The following DNER variants were observed in gnomAD, a reference collection of about 807,000 sequenced individuals.
DNER encodes the protein delta and Notch-like epidermal growth factor-related receptor.
A neutral mutation model predicts 78.2 loss-of-function variants in DNER; 33 were observed. The ratio of observed to expected loss-of-function variants is 0.42; its 90% CI spans 0.32 to 0.56. DNER has a LOEUF of 0.56. Ranked by LOEUF, DNER falls within the 20% of genes least tolerant of loss-of-function variation. The pLI is 0.11. For synonymous variants in DNER, 417 were observed against 384.8 expected (o/e 1.08, Z -0.98); for missense variants, 918 against 975.3 (o/e 0.94, Z 0.78).
chr2:229,435,207 A>C (rs1203529435), intron 8 of DNER, among the ~76,000 whole-genome samples: 1 of 152,136 alleles, frequency 6.6e-6, no homozygotes, highest in Non-Finnish European at 1.5e-5. Context: ...CGTGGGAAGA[A>C]GCCCCGACTG....
chr2:229,505,835 A>G lies in DNER; in HGVS notation c.1147+6948T>C, dbSNP rs372412875. 9.2e-5 allele frequency among the ~76,000 whole-genome samples: 14 copies of G among 152,336 alleles called. 1 individual carries two copies. Among genetic ancestry groups the G allele is most frequent in the African/African-American group, 3.4e-4 (14 of 41,568 alleles). On this transcript the variant is annotated intron_variant, in intron 6 of 12. Transcript: ENST00000341772. ...CTGTGACCAATGCACAAAGGCACCT[A>G]TATCTAATTTCATATTATTTCATGA...
rs145330487 is a variant in DNER, at chr2:229,631,046, G to A, written c.277-39158C>T. Among the ~76,000 whole-genome samples, 13 of 152,266 alleles carry A rather than the reference G, an allele frequency of 8.5e-5. 1 individual carries two copies. In the East Asian group the frequency reaches 2.5e-3, roughly 29 times the overall value. ...TCTTTATCCAATCCACCACTGATGG[G>A]CACCTGGGTTGATTGCATGTCTTTG... On this transcript the variant is annotated intron_variant, in intron 1 of 12. Transcript: ENST00000341772.
At chr2:229,516,662 G>A (rs892048062) in intron 5 of DNER, among the ~76,000 whole-genome samples, 2 of 151,898 alleles carry the variant, frequency 1.3e-5, no homozygotes, top group Admixed American at 6.6e-5. Flanking sequence ...GTGGGAAGAC[G>A]TAGTGCCAGC....
intron 1 of DNER, among the ~76,000 whole-genome samples, chr2:229,691,522 T>A (rs1699571699): frequency 6.6e-6 from 1 of 151,790 alleles, no homozygotes; most frequent in African/African-American, 2.4e-5. Flanking sequence ...GGTTGGAAAC[T>A]CAAAGGATAA....
chr2:229,537,487 C>T (rs10170426), intron 5 of DNER, among the ~76,000 whole-genome samples: 29,282 of 152,124 alleles, frequency 0.19, 4,189 homozygotes, highest in African/African-American at 0.4. Flanking sequence ...CTTGGATAAA[C>T]GGCTTAAATA....
rs534266232 is a variant in DNER at position 229,488,307 on chromosome 2, T to G, written c.1148-11054A>C. Among the ~76,000 whole-genome samples, 5 of 152,348 alleles carry G rather than the reference T, an allele frequency of 3.3e-5. No homozygotes were observed. In the East Asian group the frequency reaches 9.7e-4, roughly 29 times the overall value. ...CTGTGCCAGTGTGTGTGGATGTGGA[T>G]GTGGGGATAGATGTTTGTGTATGCA... is the stretch of plus-strand genomic sequence containing the variant. On this transcript the variant is annotated intron_variant, in intron 6 of 12. Coordinates refer to ENST00000341772, the MANE Select transcript of DNER (RefSeq NM_139072.4).
chr2:229,565,513 T>C (rs1697088173), intron 4 of DNER, among the ~76,000 whole-genome samples: 1 of 152,126 alleles, frequency 6.6e-6, no homozygotes, highest in African/African-American at 2.4e-5. Context: ...ATTCATAGGA[T>C]TTGAAAGACT....
intron 6 of DNER, among the ~76,000 whole-genome samples, chr2:229,486,477 G>A (rs963764657): frequency 2.0e-5 from 3 of 152,142 alleles, no homozygotes; most frequent in Non-Finnish European, 4.4e-5. Flanking sequence ...AGGCACAGTG[G>A]GAAGGACAGT....
At chr2:229,368,728 A>T (rs1000664219) in intron 11 of DNER, among the ~76,000 whole-genome samples, 1 of 152,196 alleles carries the variant, frequency 6.6e-6, no homozygotes, top group African/African-American at 2.4e-5. Context: ...AAGATACATT[A>T]TTCTCTCTCC....
chr2:229,404,323 C>G (rs532984618), intron 10 of DNER, among the ~76,000 whole-genome samples: 1 of 152,266 alleles, frequency 6.6e-6, no homozygotes, highest in Non-Finnish European at 1.5e-5. Context: ...GGAAAACTTA[C>G]AATCATGGCA....
At chr2:229,449,206 T>G (rs1694401216) in intron 7 of DNER, among the ~76,000 whole-genome samples, 1 of 152,228 alleles carries the variant, frequency 6.6e-6, no homozygotes, top group Non-Finnish European at 1.5e-5. Flanking sequence ...TGGAATATAA[T>G]TCTACCCATC....
intron 12 of DNER, among the ~76,000 whole-genome samples, chr2:229,365,408 A>G (rs1437681275): frequency 1.3e-5 from 2 of 152,178 alleles, no homozygotes; most frequent in East Asian, 3.9e-4. Flanking sequence ...AAGGATGTGG[A>G]TATGTGCTGT....
chr2:229,532,547 A>G (rs975510373), intron 5 of DNER, among the ~76,000 whole-genome samples: 1 of 152,112 alleles, frequency 6.6e-6, no homozygotes, highest in Non-Finnish European at 1.5e-5. Context: ...CCTCCCCACC[A>G]TCATCACTGT....
chr2:229,428,568 C>A (rs1693933308), intron 8 of DNER, among the ~76,000 whole-genome samples: 1 of 150,996 alleles, frequency 6.6e-6, no homozygotes, highest in Non-Finnish European at 1.5e-5. Flanking sequence ...AAGGAAGGGG[C>A]TGGGGAGGGG....
At chr2:229,605,249 G>A (rs1425091220) in intron 1 of DNER, among the ~76,000 whole-genome samples, 1 of 152,152 alleles carries the variant, frequency 6.6e-6, no homozygotes, top group Non-Finnish European at 1.5e-5. Context: ...AGAGACGGGA[G>A]TTTCTGCAGC....
At chr2:229,640,954 A>G (rs1325702176) in intron 1 of DNER, among the ~76,000 whole-genome samples, 1 of 152,206 alleles carries the variant, frequency 6.6e-6, no homozygotes. Flanking sequence ...GATTGGCTCA[A>G]TGGAGCACAT....
intron 6 of DNER, among the ~76,000 whole-genome samples, chr2:229,486,244 GAAACAC>G (rs1559145790): frequency 6.6e-6 from 1 of 151,916 alleles, no homozygotes; most frequent in Non-Finnish European, 1.5e-5. Flanking sequence ...GCTGGCAGGA[GAAACAC>G]AAACACATCT....
chr2:229,539,141 G>A (rs186835114), intron 5 of DNER, among the ~76,000 whole-genome samples: 1 of 152,118 alleles, frequency 6.6e-6, no homozygotes, highest in Non-Finnish European at 1.5e-5. Flanking sequence ...GGGCTCCCTC[G>A]ACTCCTCTCC....
intron 1 of DNER, among the ~76,000 whole-genome samples, chr2:229,649,589 A>G (rs896879992): frequency 6.6e-6 from 1 of 152,236 alleles, no homozygotes; most frequent in Non-Finnish European, 1.5e-5. Flanking sequence ...AGTTGGCTCC[A>G]TCACACCTGA....
Sources: gnomAD v4.1 joint callset for allele counts (sites outside exome capture counted in the v4.1 genomes callset) on GRCh38, gnomAD v4.1.1 for gene constraint, MANE v1.5 for transcripts, NCBI Gene and HGNC (gene_info 2026-07-23, HGNC 2026-07-21) for gene names.